The following DOT1L variants were observed in gnomAD, a reference collection of about 807,000 sequenced individuals.
DOT1L encodes the protein DOT1 like histone lysine methyltransferase.
Under a neutral mutation model 153.3 loss-of-function variants are expected in DOT1L, and 33 were observed. The observed-to-expected ratio is 0.22, with a 90% CI of 0.16 to 0.29. The LOEUF (loss-of-function observed/expected upper bound fraction) is 0.29, where lower values mean the gene tolerates loss of function less well. Ranked by LOEUF, DOT1L falls within the 10% of genes least tolerant of loss-of-function variation. DOT1L has a pLI of 1.00. For missense variants in DOT1L, 1,847 were observed against 2,119.9 expected (o/e 0.87, Z 2.53); for synonymous variants, 1,135 against 965.1 (o/e 1.18, Z -3.26).
intron 25 of DOT1L, among the ~76,000 whole-genome samples, chr19:2,223,860 T>C (rs2024224120): frequency 6.6e-6 from 1 of 152,148 alleles, no homozygotes; most frequent in Non-Finnish European, 1.5e-5. Flanking sequence ...TATTCTCCAT[T>C]TAAAGTGTGC....
At chr19:2,224,354 CGAGGGTCT>C (rs2024242636) in intron 25 of DOT1L, among the ~76,000 whole-genome samples, 1 of 152,170 alleles carries the variant, frequency 6.6e-6, no homozygotes, top group Non-Finnish European at 1.5e-5. Flanking sequence ...CATGGGTGCA[CGAGGGTCT>C]GAGGTCCTCA....
In DOT1L at chr19:2,180,136, GAGGCCGCCCACGTGGGCT is replaced by G. The variant is rs1166270654; in HGVS notation, c.82-574_82-557del. Among the ~76,000 whole-genome samples the G allele has an allele frequency of 2.0e-5, 3 of 152,310 alleles. No homozygotes were observed. The East Asian group carries it at 5.8e-4, about 29-fold the overall frequency. On this transcript the variant is annotated intron_variant, in intron 1 of 27. Coordinates refer to ENST00000398665, the MANE Select transcript of DOT1L (RefSeq NM_032482.3). ...GTTGTGGCAGGTTCTGGGCTATGGC[GAGGCCGCCCACGTGGGCT>G]AGCCCAGTGGTTTTTTTCCCATGGT...
chr19:2,183,249 C>T (rs889327517), intron 2 of DOT1L, among the ~76,000 whole-genome samples: 2 of 152,178 alleles, frequency 1.3e-5, no homozygotes, highest in African/African-American at 4.8e-5. Context: ...CAGCTCACTG[C>T]AACTTCCACC....
intron 16 of DOT1L, chr19:2,212,082 G>A (rs1179794271): frequency 3.9e-6 from 2 of 513,650 alleles, no homozygotes; most frequent in Middle Eastern, 5.2e-4. Context: ...GTGTCTGATA[G>A]GCACACCCAG....
At chr19:2,224,088 T>C (rs906897511) in intron 25 of DOT1L, among the ~76,000 whole-genome samples, 14 of 152,174 alleles carry the variant, frequency 9.2e-5, no homozygotes, top group Non-Finnish European at 1.3e-4. Context: ...GCCTTTTGTG[T>C]CTGGCATCTC....
chr19:2,180,864 CCT>C lies in DOT1L; in HGVS notation c.125+109_125+110del. 3.7e-6 allele frequency: 5 copies of C among 1,356,258 alleles called. No homozygotes were observed. In the South Asian group the frequency reaches 6.3e-5, roughly 17 times the overall value. 84.0% of individuals were successfully genotyped at this position (1,356,258 alleles called of 1,614,324 possible). On this transcript the variant is annotated intron_variant, in intron 2 of 27. Coordinates refer to ENST00000398665, the MANE Select transcript of DOT1L (RefSeq NM_032482.3). ...GGGATGGCTCCTGCAGGGGTGGACT[CCT>C]GGAGGTGTTGTGAAGCGGATCAGGG... is the stretch of plus-strand genomic sequence containing the variant.
intron 7 of DOT1L, 27 bp from the exon 8 acceptor site, chr19:2,199,857 C>A (rs377271788): frequency 2.0e-5 from 33 of 1,611,208 alleles, no homozygotes; most frequent in Non-Finnish European, 2.7e-5. Flanking sequence ...GCCGGGGGTC[C>A]GCGCTCACAC....
chr19:2,196,129 G>A (rs1005663837), intron 7 of DOT1L, among the ~76,000 whole-genome samples: 6 of 152,238 alleles, frequency 3.9e-5, no homozygotes, highest in Non-Finnish European at 7.3e-5. Context: ...TGCCTAGCAC[G>A]CGCCCCTGTC....
At chr19:2,229,758 C>G (rs200400207) in intron 27 of DOT1L, 27 bp from the exon 28 acceptor site, 3 of 1,613,036 alleles carry the variant, frequency 1.9e-6, no homozygotes, top group Non-Finnish European at 1.7e-6. Context: ...AACCTCAGGC[C>G]GCTCTTCCCG....
chr19:2,230,314 T>C lies in DOT1L; in HGVS notation c.*522T>C. On this transcript the variant is annotated 3_prime_UTR_variant, in exon 28 of 28. Coordinates refer to ENST00000398665, the MANE Select transcript of DOT1L (RefSeq NM_032482.3). ...GGCAGGCCCGTCGCCACCACATTCC[T>C]CGGAGGCCTCCCCGCGGCCTGAGCC... The C allele has an allele frequency of 2.4e-6, 1 of 416,104 alleles. No individual in the cohort carries two copies. The highest frequency in any genetic ancestry group is 3.5e-5 in the East Asian group (1 of 28,342). 25.8% of individuals were successfully genotyped at this position (416,104 alleles called of 1,614,324 possible).
intron 12 of DOT1L, among the ~76,000 whole-genome samples, chr19:2,209,178 C>T (rs1216339016): frequency 2.0e-5 from 3 of 152,090 alleles, no homozygotes; most frequent in African/African-American, 4.8e-5. Context: ...CCTTTCCTCC[C>T]TGTCCTCCCC....
intron 12 of DOT1L, among the ~76,000 whole-genome samples, chr19:2,210,094 C>T (rs1407955943): frequency 2.6e-5 from 4 of 152,226 alleles, no homozygotes; most frequent in South Asian, 2.1e-4. Context: ...TTCTCGTCTC[C>T]TGTCTTGGAT....
At chr19:2,171,646 A>G (rs1032730713) in intron 1 of DOT1L, among the ~76,000 whole-genome samples, 2 of 152,048 alleles carry the variant, frequency 1.3e-5, no homozygotes, top group African/African-American at 2.4e-5. Flanking sequence ...GTTCGTGTAC[A>G]TGCCTTCTCC....
At chr19:2,209,678 T>C (rs2023637801) in intron 12 of DOT1L, among the ~76,000 whole-genome samples, 2 of 152,246 alleles carry the variant, frequency 1.3e-5, no homozygotes, top group African/African-American at 4.8e-5. Context: ...TGCCTGCTTA[T>C]TTGCCACCAA....
chr19:2,216,180 G>A (rs557781177), intron 19 of DOT1L, 101 bp from the exon 20 acceptor site: 75 of 1,468,180 alleles, frequency 5.1e-5, no homozygotes, highest in South Asian at 5.0e-4. Flanking sequence ...CACAAGCAGC[G>A]GGGGTCCTGG....
In DOT1L at chr19:2,171,621, C is replaced by T. The variant is rs190860079; in HGVS notation, c.81+7356C>T. ...TGGGGTCCCGGGCACCGACCGCCGC[C>T]GGGTGTCGCTCCGTGTTCGTGTACA... On this transcript the variant is annotated intron_variant, in intron 1 of 27. Transcript: ENST00000398665. 2.0e-3 allele frequency among the ~76,000 whole-genome samples: 305 copies of T among 152,318 alleles called. 1 individual carries two copies. Among genetic ancestry groups the T allele is most frequent in the African/African-American group, 6.6e-3 (276 of 41,566 alleles).
chr19:2,217,933 G>A lies in DOT1L; in HGVS notation c.2691+15G>A. The A allele has an allele frequency of 1.9e-6, 3 of 1,609,004 alleles. No individual in the cohort carries two copies. Among genetic ancestry groups the A allele is most frequent in the Non-Finnish European group, 2.5e-6 (3 of 1,179,084 alleles). ...CCGAGAGGGCGGTGAGTGGCTCCCA[G>A]GTGGCTGTCCCCAAGGGCCACGTTG... is the stretch of plus-strand genomic sequence containing the variant. On this transcript the variant is annotated intron_variant, in intron 22 of 27. Coordinates refer to ENST00000398665, the MANE Select transcript of DOT1L (RefSeq NM_032482.3). The surrounding 1 kb of genome is among the most constrained non-coding windows in gnomAD (Gnocchi z 7.3).
At chr19:2,209,553 A>G (rs545286714) in intron 12 of DOT1L, among the ~76,000 whole-genome samples, 1 of 152,108 alleles carries the variant, frequency 6.6e-6, no homozygotes, top group African/African-American at 2.4e-5. Flanking sequence ...CACGCGCTGC[A>G]CCGTCGGAGG....
intron 1 of DOT1L, among the ~76,000 whole-genome samples, chr19:2,168,960 G>A (rs1181264815): frequency 6.6e-6 from 1 of 152,136 alleles, no homozygotes; most frequent in Non-Finnish European, 1.5e-5. Flanking sequence ...TCTTCTAGTG[G>A]GAAGGGCACA....
Sources: allele counts gnomAD v4.1 joint callset (sites outside exome capture counted in the v4.1 genomes callset), GRCh38; gene constraint gnomAD v4.1.1; non-coding constraint Gnocchi (gnomAD v3.1); transcripts MANE v1.5; gene names NCBI Gene and HGNC (gene_info 2026-07-23, HGNC 2026-07-21).